Variants in PARVB observed in about 807,000 individuals in gnomAD.
The protein encoded by PARVB is parvin beta.
Under a neutral mutation model 47.0 loss-of-function variants are expected in PARVB, and 46 were observed. The ratio of observed to expected loss-of-function variants is 0.98; its 90% CI spans 0.77 to 1.25. The LOEUF is 1.25. Among genes scored for constraint, PARVB ranks in the 50% most tolerant of loss-of-function variants. The pLI is 0.00. For missense variants in PARVB, 473 were observed against 471.6 expected (o/e 1.00, Z -0.03); for synonymous variants, 196 against 196.3 (o/e 1.00, Z 0.01).
chr22:44,005,805 G>T (rs911929683), intron 2 of PARVB, among the ~76,000 whole-genome samples: 1 of 152,146 alleles, frequency 6.6e-6, no homozygotes, highest in East Asian at 1.9e-4. Flanking sequence ...CAACCTAGAG[G>T]GTATTTAAAC....
chr22:44,040,539 G>T (rs1259514393), intron 1 of PARVB, among the ~76,000 whole-genome samples: 1 of 152,136 alleles, frequency 6.6e-6, no homozygotes, highest in Admixed American at 6.6e-5. Context: ...CCATGGAGGT[G>T]GAAGTTGCAA....
At chr22:44,086,236 C>T (rs542429270) in intron 1 of PARVB, among the ~76,000 whole-genome samples, 1 of 152,362 alleles carries the variant, frequency 6.6e-6, no homozygotes, top group South Asian at 2.1e-4. Context: ...ACATCCATTT[C>T]TCGGCAAAAA....
chr22:44,021,809 A>G (rs1016885000), upstream of PARVB, among the ~76,000 whole-genome samples: 2 of 143,372 alleles, frequency 1.4e-5, no homozygotes, highest in East Asian at 4.3e-4. Flanking sequence ...ACACACACAC[A>G]CACACACAGG....
At chr22:44,011,054 G>A (rs571154295) in intron 2 of PARVB, among the ~76,000 whole-genome samples, 2 of 152,212 alleles carry the variant, frequency 1.3e-5, no homozygotes, top group South Asian at 4.2e-4. Flanking sequence ...TCGATCTCCT[G>A]ACCTCGTGAT....
chr22:44,068,063 G>A lies in PARVB; in HGVS notation c.113-25865G>A, dbSNP rs1435086776. 6.6e-6 allele frequency among the ~76,000 whole-genome samples: 1 copy of A among 151,920 alleles called. No individual in the cohort carries two copies. Among genetic ancestry groups the A allele is most frequent in the Admixed American group, 6.6e-5 (1 of 15,262 alleles). On this transcript the variant is annotated intron_variant, in intron 1 of 12. Transcript: ENST00000338758. The surrounding 1 kb of genome is among the most constrained non-coding windows in gnomAD (Gnocchi z 4.1). ...CCCCGCCTGGAGCACCTGCTGGGTCGGGACATGGGCCTCCCGTGGGCCTCA... is the reference window on the plus strand; with the variant it reads ...CCCCGCCTGGAGCACCTGCTGGGTCAGGACATGGGCCTCCCGTGGGCCTCA...
chr22:44,097,441 T>C (rs4823190), intron 2 of PARVB, among the ~76,000 whole-genome samples: 90,290 of 151,964 alleles, frequency 0.59, 27,126 homozygotes, highest in East Asian at 0.86. Context: ...CCTGCGGGGG[T>C]TTCATGTCCA....
intron 1 of PARVB, among the ~76,000 whole-genome samples, chr22:44,075,290 AG>A (rs2051744505): frequency 6.6e-6 from 1 of 152,244 alleles, no homozygotes; most frequent in South Asian, 2.1e-4. Flanking sequence ...ATGCACCCGC[AG>A]TGACCCTGAA....
chr22:44,053,312 G>A (rs2051246010), intron 1 of PARVB, among the ~76,000 whole-genome samples: 2 of 152,108 alleles, frequency 1.3e-5, no homozygotes, highest in Admixed American at 1.3e-4. Context: ...TCGAACTCCT[G>A]CCCTCATGAT....
In PARVB at chr22:44,171,423, A is replaced by T. The variant is rs1419959563; in HGVS notation, c.*2745A>T. On this transcript the variant is annotated 3_prime_UTR_variant, in exon 13 of 13. Coordinates refer to ENST00000338758, the MANE Select transcript of PARVB (RefSeq NM_013327.5). ...GGCAGGAGAATTGCATGAACCCAGG[A>T]GGTGGAAGTTGCAGTGAGCTGAGAT... The T allele has an allele frequency of 2.0e-5, 3 of 151,044 alleles. No individual in the cohort carries two copies. Among genetic ancestry groups the T allele is most frequent in the Non-Finnish European group, 2.9e-5 (2 of 67,944 alleles). 9.4% of individuals were successfully genotyped at this position (151,044 alleles called of 1,614,324 possible). A position where few individuals can be genotyped will look rare whatever the true frequency, so the allele number is the denominator to read the frequency against.
At chr22:44,021,952 T>C (rs940337720), upstream of PARVB, among the ~76,000 whole-genome samples, 9 of 152,108 alleles carry the variant, frequency 5.9e-5, no homozygotes, top group Admixed American at 6.5e-5. Context: ...CAAATGGAAA[T>C]GAACCTAGCC....
chr22:44,036,970 T>C (rs2050933621), intron 1 of PARVB, among the ~76,000 whole-genome samples: 1 of 150,160 alleles, frequency 6.7e-6, no homozygotes, highest in Admixed American at 6.7e-5. Flanking sequence ...TGTGACAGAG[T>C]GAGGCCCTGC....
chr22:44,158,245 A>C (rs1038421543), intron 11 of PARVB, among the ~76,000 whole-genome samples, 162 bp downstream of exon 11: 1 of 152,272 alleles, frequency 6.6e-6, no homozygotes, highest in African/African-American at 2.4e-5. Context: ...CAGCAAAAGA[A>C]ATAAGAAGCC....
At position 44,068,982 on chromosome 22, in the gene PARVB, C is replaced by T; in HGVS notation, c.113-24946C>T. 1.4e-6 allele frequency: 1 copy of T among 695,298 alleles called. No individual in the cohort carries two copies. Among genetic ancestry groups the T allele is most frequent in the Middle Eastern group, 4.2e-4 (1 of 2,378 alleles). The allele number at this position is 695,298 out of a possible 1,614,324, so 43.1% of individuals were successfully genotyped here. On this transcript the variant is annotated intron_variant, in intron 1 of 12. Coordinates refer to ENST00000338758, the MANE Select transcript of PARVB (RefSeq NM_013327.5). The surrounding 1 kb of genome is among the most constrained non-coding windows in gnomAD (Gnocchi z 4.1). ...ATCGCTGGAAACACCCCGGTCCTTC[C>T]ACAGCCTGACCCTCTGTGACCTTCC... is the stretch of plus-strand genomic sequence containing the variant.
intron 4 of PARVB, among the ~76,000 whole-genome samples, chr22:44,130,663 C>G (rs892421023): frequency 2.0e-5 from 3 of 152,068 alleles, no homozygotes; most frequent in African/African-American, 7.2e-5. Context: ...CTTTTAAGAC[C>G]TTTTTTAAAA....
chr22:44,022,197 C>T (rs1030936331), upstream of PARVB, among the ~76,000 whole-genome samples: 13 of 152,128 alleles, frequency 8.5e-5, no homozygotes, highest in East Asian at 3.9e-4. Flanking sequence ...TGAGAGAAGA[C>T]GTTTCTGTTG....
chr22:44,164,615 GT>G (rs1658312138), intron 12 of PARVB, among the ~76,000 whole-genome samples: 1 of 152,182 alleles, frequency 6.6e-6, no homozygotes, highest in South Asian at 2.1e-4. Context: ...GAAGACATCT[GT>G]TTGCCTCCAT....
chr22:44,101,524 T>G (rs1391689123), intron 3 of PARVB, among the ~76,000 whole-genome samples: 1 of 151,922 alleles, frequency 6.6e-6, no homozygotes, highest in African/African-American at 2.4e-5. Flanking sequence ...CCAAGGCAGG[T>G]GGATCACCTG....
intron 4 of PARVB, 31 bp downstream of exon 4, chr22:44,119,171 A>T: frequency 7.0e-7 from 1 of 1,435,352 alleles, no homozygotes; most frequent in Non-Finnish European, 9.8e-7. Context: ...GCTCTGTCCC[A>T]CCCCCATCTC....
intron 2 of PARVB, among the ~76,000 whole-genome samples, chr22:44,096,682 C>T (rs58706313): frequency 0.051 from 7,819 of 152,182 alleles, 320 homozygotes; most frequent in East Asian, 0.13. Flanking sequence ...GCATTTTGCC[C>T]CCAGAGCTAG....
Sources: gnomAD v4.1 joint callset for allele counts (sites outside exome capture counted in the v4.1 genomes callset) on GRCh38, gnomAD v4.1.1 for gene constraint, Gnocchi (gnomAD v3.1) non-coding constraint, MANE v1.5 for transcripts, NCBI Gene and HGNC (gene_info 2026-07-23, HGNC 2026-07-21) for gene names.